The following NDUFA11 variants were observed in gnomAD, a reference collection of about 807,000 sequenced individuals.
NDUFA11 encodes NADH dehydrogenase [ubiquinone] 1 alpha subcomplex subunit 11.
Under a neutral mutation model 11.3 loss-of-function variants are expected in NDUFA11, and 14 were observed. The ratio of observed to expected loss-of-function variants is 1.24; its 90% CI spans 0.82 to 1.94. The LOEUF is 1.94. NDUFA11 is among the 30% of genes most tolerant of loss of function. The pLI is 0.00. For missense variants in NDUFA11, 204 were observed against 200.3 expected (o/e 1.02, Z -0.11); for synonymous variants, 87 against 85.6 (o/e 1.02, Z -0.09).
In NDUFA11 at chr19:5,896,705, G is replaced by A; in HGVS notation, c.191-130C>T. On this transcript the variant is annotated intron_variant, in intron 2 of 3. Coordinates refer to ENST00000308961, the MANE Select transcript of NDUFA11 (RefSeq NM_175614.5). This position sits in a 1 kb window ranked among gnomAD's most constrained non-coding sequence, Gnocchi z 5.8. Reference sequence around the variant, plus strand: ...TGCTCGCTGTGCATGGCAGCCTCCTGGCCCCAGTCCTGGAGCTGTTCTCCT... The same window carrying A: ...TGCTCGCTGTGCATGGCAGCCTCCTAGCCCCAGTCCTGGAGCTGTTCTCCT... The A allele has an allele frequency of 1.4e-6, 2 of 1,409,188 alleles. No homozygotes were observed. Among genetic ancestry groups the A allele is most frequent in the Non-Finnish European group, 2.0e-6 (2 of 1,021,890 alleles). 87.3% of individuals were successfully genotyped at this position (1,409,188 alleles called of 1,614,324 possible). A position where few individuals can be genotyped will look rare whatever the true frequency, so the allele number is the denominator to read the frequency against.
In NDUFA11 at chr19:5,903,638, C is replaced by T. The variant is rs1262335299; in HGVS notation, c.71G>A (p.Ser24Asn). The stretch of plus-strand genomic sequence containing the variant: ...AGCGACGCTGGCAATACTGGTGGTG[C>T]TGTAGGCTTTGCGGTGGCAATCGGT... ...DGTDCHRKAY[S>N]TTSIASVAGL... The change falls in exon 1 of 4, where the codon AGC (serine) becomes AAC (asparagine). Residue 24 changes from serine (S) to asparagine (N), a missense_variant. By Grantham distance (46) the Ser-to-Asn change is conservative. Transcript: ENST00000308961. 1 of 1,551,362 alleles carries T rather than the reference C, an allele frequency of 6.4e-7. No homozygotes were observed. The highest frequency in any genetic ancestry group is 8.7e-7 in the Non-Finnish European group (1 of 1,146,920).
At chr19:5,903,490 C>T in intron 1 of NDUFA11, 122 bp downstream of exon 1, 1 of 938,078 alleles carries the variant, frequency 1.1e-6, no homozygotes, top group Non-Finnish European at 1.6e-6. Flanking sequence ...CAAGACACCC[C>T]GATGACAACC....
chr19:5,896,289 T>G lies in NDUFA11; in HGVS notation c.313+164A>C. 1.2e-6 allele frequency: 1 copy of G among 831,694 alleles called. No homozygotes were observed. Among genetic ancestry groups the G allele is most frequent in the East Asian group, 2.7e-5 (1 of 37,430 alleles). The allele number at this position is 831,694 out of a possible 1,614,324, so 51.5% of individuals were successfully genotyped here. The stretch of plus-strand genomic sequence containing the variant: ...GGTCAGGGAGGGCCACAGTAGGTGC[T>G]TAAGCAGCAGCAGCAGCTGTCGCTA... On this transcript the variant is annotated intron_variant, in intron 3 of 3. Transcript: ENST00000308961. The surrounding 1 kb of genome is among the most constrained non-coding windows in gnomAD (Gnocchi z 5.8).
At chr19:5,897,100 C>T (rs906406670) in intron 1 of NDUFA11, 103 bp from the exon 2 acceptor site, 14 of 908,088 alleles carry the variant, frequency 1.5e-5, no homozygotes, top group South Asian at 4.0e-5. Flanking sequence ...CCTCACGATG[C>T]CCCCCTTCTT....
At chr19:5,894,575 G>A (rs923745735), downstream of NDUFA11, 42 of 1,395,998 alleles carry the variant, frequency 3.0e-5, no homozygotes, top group East Asian at 6.3e-4. Flanking sequence ...AGGCAGGCGC[G>A]TGTGCAGGGG....
chr19:5,896,745 T>C lies in NDUFA11; in HGVS notation c.190+160A>G. On this transcript the variant is annotated intron_variant, in intron 2 of 3. Transcript: ENST00000308961. The surrounding 1 kb of genome is among the most constrained non-coding windows in gnomAD (Gnocchi z 5.8). ...GCTGTTCTCCTGGGCCTCCCCACCC[T>C]ACATGTATTCCTGATAAAGGAACAC... 8.4e-7 allele frequency: 1 copy of C among 1,196,622 alleles called. No homozygotes were observed. The highest frequency in any genetic ancestry group is 1.2e-6 in the Non-Finnish European group (1 of 816,606). The allele number at this position is 1,196,622 out of a possible 1,614,324, so 74.1% of individuals were successfully genotyped here. A position where few individuals can be genotyped will look rare whatever the true frequency, so the allele number is the denominator to read the frequency against.
intron 1 of NDUFA11, among the ~76,000 whole-genome samples, chr19:5,897,999 T>A (rs1262962931): frequency 6.6e-6 from 1 of 152,134 alleles, no homozygotes; most frequent in Non-Finnish European, 1.5e-5. Flanking sequence ...ATAGCCCAGT[T>A]GCAGGCAGGG....
intron 1 of NDUFA11, among the ~76,000 whole-genome samples, chr19:5,901,048 G>T (rs1016020935): frequency 6.6e-6 from 1 of 151,990 alleles, no homozygotes. Context: ...TGCCATCAGC[G>T]ATCTCCTGAC....
intron 1 of NDUFA11, among the ~76,000 whole-genome samples, chr19:5,901,047 C>A (rs780590785): frequency 1.3e-5 from 2 of 152,130 alleles, no homozygotes; most frequent in Non-Finnish European, 2.9e-5. Flanking sequence ...ATGCCATCAG[C>A]GATCTCCTGA....
In NDUFA11 at chr19:5,903,773, C is replaced by T. The variant is rs1326528025; in HGVS notation, c.-65G>A. On this transcript the variant is annotated 5_prime_UTR_variant, in exon 1 of 4. Transcript: ENST00000308961. The stretch of plus-strand genomic sequence containing the variant: ...TCGGGAAGCGCAAGGGCAGCCGCGG[C>T]TGGCTATCGCGAGACTTCTCGGGCT... The T allele has an allele frequency of 4.0e-6, 6 of 1,504,954 alleles. No individual in the cohort carries two copies. The highest frequency in any genetic ancestry group is 1.4e-5 in the African/African-American group (1 of 72,164). The allele number at this position is 1,504,954 out of a possible 1,614,324, so 93.2% of individuals were successfully genotyped here. A position where few individuals can be genotyped will look rare whatever the true frequency, so the allele number is the denominator to read the frequency against.
chr19:5,899,364 T>C (rs974674194), intron 1 of NDUFA11, among the ~76,000 whole-genome samples: 4 of 150,976 alleles, frequency 2.6e-5, no homozygotes, highest in African/African-American at 9.7e-5. Flanking sequence ...TTAGCCAGGA[T>C]GGTCTCCATC....
chr19:5,901,964 C>T (rs1274362056), intron 1 of NDUFA11, among the ~76,000 whole-genome samples: 1 of 149,596 alleles, frequency 6.7e-6, no homozygotes, highest in Non-Finnish European at 1.5e-5. Context: ...AGCCACCGCG[C>T]CCGGCTGGTT....
rs1306895947 is a variant in NDUFA11 at position 5,903,752 on chromosome 19, G to A, written c.-44C>T. Reference sequence around the variant, plus strand: ...CGCACCACGGACCCCGCCAGCTCGGGAAGCGCAAGGGCAGCCGCGGCTGGC... The same window carrying A: ...CGCACCACGGACCCCGCCAGCTCGGAAAGCGCAAGGGCAGCCGCGGCTGGC... On this transcript the variant is annotated 5_prime_UTR_variant, in exon 1 of 4. Coordinates refer to ENST00000308961, the MANE Select transcript of NDUFA11 (RefSeq NM_175614.5). 23 of 1,540,796 alleles carry A rather than the reference G, an allele frequency of 1.5e-5. No homozygotes were observed. In the East Asian group the frequency reaches 4.2e-4, roughly 28 times the overall value.
intron 1 of NDUFA11, among the ~76,000 whole-genome samples, chr19:5,902,002 G>A (rs532702978): frequency 4.0e-5 from 6 of 150,504 alleles, no homozygotes; most frequent in African/African-American, 1.5e-4. Flanking sequence ...TTGAGACAGC[G>A]TCTCACTCTG....
intron 1 of NDUFA11, among the ~76,000 whole-genome samples, chr19:5,903,218 G>A (rs186230329): frequency 3.3e-5 from 5 of 151,590 alleles, no homozygotes; most frequent in Non-Finnish European, 5.9e-5. Context: ...CATCTGTACC[G>A]CCCTCAGATG....
rs2057659403 is a variant in NDUFA11 at position 5,903,598 on chromosome 19, C to T, written c.97+14G>A. On this transcript the variant is annotated intron_variant, in intron 1 of 3. Coordinates refer to ENST00000308961, the MANE Select transcript of NDUFA11 (RefSeq NM_175614.5). ...GCCTCGGCCCTCCACCCTCGGGGCC[C>T]GGCCGGCGCTCACCAGCGACGCTGG... is the stretch of plus-strand genomic sequence containing the variant. The T allele has an allele frequency of 6.5e-7, 1 of 1,548,890 alleles. No individual in the cohort carries two copies. The highest frequency in any genetic ancestry group is 1.4e-5 in the African/African-American group (1 of 73,174).
intron 1 of NDUFA11, chr19:5,902,345 C>G (rs946517959): frequency 1.3e-5 from 2 of 152,282 alleles, no homozygotes; most frequent in African/African-American, 4.8e-5. Context: ...CTCACTAGAG[C>G]CTTGAACTCC....
chr19:5,893,267 G>A (rs1334723140), downstream of NDUFA11: 2 of 1,339,926 alleles, frequency 1.5e-6, no homozygotes, highest in Middle Eastern at 1.9e-4. The surrounding 1 kb of genome is among the most constrained non-coding windows in gnomAD (Gnocchi z 4.1). Flanking sequence ...AGACCAGCCT[G>A]CACAACACAG....
downstream of NDUFA11, chr19:5,892,771 A>C: frequency 9.1e-7 from 1 of 1,104,430 alleles, no homozygotes. Context: ...AGTGGATGCG[A>C]TGCCCGTGAG....
Sources: allele counts gnomAD v4.1 joint callset (sites outside exome capture counted in the v4.1 genomes callset), GRCh38; gene constraint gnomAD v4.1.1; non-coding constraint Gnocchi (gnomAD v3.1); transcripts MANE v1.5; gene names NCBI Gene and HGNC (gene_info 2026-07-23, HGNC 2026-07-21).